The following GRIK1 variants were observed in gnomAD, a reference collection of about 807,000 sequenced individuals.
The protein encoded by GRIK1 is glutamate ionotropic receptor kainate type subunit 1, also known as glutamate receptor ionotropic, kainate 1.
Under a neutral mutation model 105.7 loss-of-function variants are expected in GRIK1, and 69 were observed. That is an observed-to-expected ratio of 0.65 (90% CI 0.54 to 0.80). GRIK1 has a LOEUF of 0.80. Ranked by LOEUF, GRIK1 falls within the 30% of genes least tolerant of loss-of-function variation. The pLI, the probability that GRIK1 is intolerant of heterozygous loss-of-function variation, is 0.00. For synonymous variants in GRIK1, 438 were observed against 431.3 expected (o/e 1.02, Z -0.19); for missense variants, 1,109 against 1,167.3 (o/e 0.95, Z 0.73).
At chr21:29,732,914 A>G (rs1211764400) in intron 1 of GRIK1, among the ~76,000 whole-genome samples, 1 of 152,214 alleles carries the variant, frequency 6.6e-6, no homozygotes, top group African/African-American at 2.4e-5. Context: ...CATGATGAAC[A>G]AGACAAATGT....
chr21:29,695,478 A>ATC lies in GRIK1; in HGVS notation c.119-1416_119-1415insGA, dbSNP rs377424740. On this transcript the variant is annotated intron_variant, in intron 1 of 17. Coordinates refer to ENST00000327783, the MANE Select transcript of GRIK1 (RefSeq NM_001330994.2). ...TATCTATCTATCTATCTATCTATCTATATATATATATTTTGAGATGGAGTC... is the reference window on the plus strand; with the variant it reads ...TATCTATCTATCTATCTATCTATCTATCTATATATATATTTTGAGATGGAGTC... Among the ~76,000 whole-genome samples the ATC allele has an allele frequency of 2.6e-3, 379 of 146,780 alleles. 3 individuals carry two copies. The highest frequency in any genetic ancestry group is 9.3e-3 in the African/African-American group (346 of 37,138).
At chr21:29,876,473 A>G (rs1444145949) in intron 1 of GRIK1, among the ~76,000 whole-genome samples, 1 of 151,928 alleles carries the variant, frequency 6.6e-6, no homozygotes, top group Admixed American at 6.6e-5. Flanking sequence ...ACCAGAATCT[A>G]CCCCCTACTG....
intron 1 of GRIK1, among the ~76,000 whole-genome samples, chr21:29,818,896 G>A (rs140194476): frequency 6.6e-6 from 1 of 151,960 alleles, no homozygotes; most frequent in African/African-American, 2.4e-5. Context: ...GTGGAATATG[G>A]CCAGGAGCAT....
At chr21:29,586,637 A>G (rs2091136171) in intron 12 of GRIK1, among the ~76,000 whole-genome samples, 1 of 152,236 alleles carries the variant, frequency 6.6e-6, no homozygotes. Context: ...TAACTGTTTC[A>G]AATTTAGCAT....
In GRIK1 at chr21:29,939,369, T is replaced by TG. The variant is rs982808910; in HGVS notation, c.118+13dup. 5 of 1,412,040 alleles carry TG rather than the reference T, an allele frequency of 3.5e-6. No individual in the cohort carries two copies. The Admixed American group carries it at 7.9e-5, about 22-fold the overall frequency. The allele number at this position is 1,412,040 out of a possible 1,614,324, so 87.5% of individuals were successfully genotyped here. On this transcript the variant is annotated intron_variant, in intron 1 of 17. Coordinates refer to ENST00000327783, the MANE Select transcript of GRIK1 (RefSeq NM_001330994.2). The stretch of plus-strand genomic sequence containing the variant: ...GACCACGTCTCCCGAGCAGGCAGCC[T>TG]GGGGCTCACTCACCGATCCTGAGTA...
chr21:29,900,958 C>G (rs1269094762), intron 1 of GRIK1, among the ~76,000 whole-genome samples: 1 of 152,166 alleles, frequency 6.6e-6, no homozygotes, highest in Non-Finnish European at 1.5e-5. Context: ...ACAGTGCAAT[C>G]AAATTAGAAC....
intron 1 of GRIK1, among the ~76,000 whole-genome samples, chr21:29,839,285 AG>A (rs2067906870): frequency 6.6e-6 from 1 of 152,084 alleles, no homozygotes; most frequent in Non-Finnish European, 1.5e-5. Context: ...CCTGACCTCA[AG>A]TGATCCACCC....
intron 1 of GRIK1, among the ~76,000 whole-genome samples, chr21:29,759,658 C>T (rs2065457690): frequency 6.6e-6 from 1 of 152,108 alleles, no homozygotes; most frequent in Non-Finnish European, 1.5e-5. Context: ...GAAACCAGAA[C>T]AAAGGAAGAC....
chr21:29,792,707 C>T (rs1054086626), intron 1 of GRIK1, among the ~76,000 whole-genome samples: 5 of 152,132 alleles, frequency 3.3e-5, no homozygotes, highest in East Asian at 1.9e-4. Context: ...CATGGAGTTC[C>T]GAAGGCATGG....
At chr21:29,780,217 A>G (rs2066056733) in intron 1 of GRIK1, among the ~76,000 whole-genome samples, 1 of 152,138 alleles carries the variant, frequency 6.6e-6, no homozygotes, top group African/African-American at 2.4e-5. Flanking sequence ...AATTTCCTGA[A>G]AGGTACTTAT....
chr21:29,712,756 A>T (rs916789967), intron 1 of GRIK1, among the ~76,000 whole-genome samples: 1 of 152,218 alleles, frequency 6.6e-6, no homozygotes, highest in African/African-American at 2.4e-5. Flanking sequence ...TAAGGAAAGA[A>T]ACTATCTTCC....
At chr21:29,599,744 C>G (rs896116773) in intron 7 of GRIK1, among the ~76,000 whole-genome samples, 5 of 152,054 alleles carry the variant, frequency 3.3e-5, no homozygotes, top group African/African-American at 1.2e-4. Context: ...GAGCCGAGAT[C>G]CTTCCACTGC....
At chr21:29,809,957 C>T (rs544342100) in intron 1 of GRIK1, among the ~76,000 whole-genome samples, 3 of 152,238 alleles carry the variant, frequency 2.0e-5, no homozygotes, top group South Asian at 4.1e-4. Flanking sequence ...ATTAAGTTAG[C>T]TGTCTCATAT....
intron 5 of GRIK1, among the ~76,000 whole-genome samples, 179 bp downstream of exon 5, chr21:29,654,627 AAGAG>A (rs199519659): frequency 8.6e-6 from 1 of 116,406 alleles, no homozygotes; most frequent in African/African-American, 5.6e-5. Flanking sequence ...GAAAGAAAGA[AAGAG>A]AAAGAAAGAA....
chr21:29,779,464 T>C (rs1213282999), intron 1 of GRIK1, among the ~76,000 whole-genome samples: 2 of 148,642 alleles, frequency 1.3e-5, no homozygotes, highest in Admixed American at 1.4e-4. Flanking sequence ...GACAATATAA[T>C]AGAACAATAG....
At position 29,694,891 on chromosome 21, in the gene GRIK1, C is replaced by A. The variant is rs567548734; in HGVS notation, c.119-828G>T. Among the ~76,000 whole-genome samples the A allele has an allele frequency of 9.2e-5, 14 of 152,256 alleles. No individual in the cohort carries two copies. The East Asian group carries it at 2.7e-3, about 29-fold the overall frequency. ...AAATGTCCTTTTTTGTGCTTCATGGCTCAGAATTCTGAGATCATATTCTAG... is the reference window on the plus strand; with the variant it reads ...AAATGTCCTTTTTTGTGCTTCATGGATCAGAATTCTGAGATCATATTCTAG... On this transcript the variant is annotated intron_variant, in intron 1 of 17. Coordinates refer to ENST00000327783, the MANE Select transcript of GRIK1 (RefSeq NM_001330994.2).
intron 1 of GRIK1, among the ~76,000 whole-genome samples, chr21:29,864,134 G>A (rs1340174233): frequency 6.6e-6 from 1 of 151,860 alleles, no homozygotes; most frequent in Non-Finnish European, 1.5e-5. Context: ...TGCCTTGGAG[G>A]TATATTGTGA....
At position 29,731,431 on chromosome 21, in the gene GRIK1, A is replaced by G. The variant is rs962505625; in HGVS notation, c.119-37368T>C. Among the ~76,000 whole-genome samples, 8 of 152,150 alleles carry G rather than the reference A, an allele frequency of 5.3e-5. No individual in the cohort carries two copies. The East Asian group carries it at 1.5e-3, about 29-fold the overall frequency. On this transcript the variant is annotated intron_variant, in intron 1 of 17. Transcript: ENST00000327783. ...ATTGCTTTGATTATGCTTTGTCTTC[A>G]GGATCATACTGGTGAAGCCATGTTT...
Position 29,673,081 on chromosome 21 carries a change from T to C in GRIK1, c.628A>G (p.Lys210Glu). 1 of 1,612,218 alleles carries C rather than the reference T, an allele frequency of 6.2e-7. No individual in the cohort carries two copies. Among genetic ancestry groups the C allele is most frequent in the Non-Finnish European group, 8.5e-7 (1 of 1,178,290 alleles). The change falls in exon 4 of 18, where the codon AAA becomes GAA. Residue 210 changes from lysine to glutamate, a missense_variant. Lys to Glu is a moderately conservative substitution (Grantham distance 56, BLOSUM62 1). This residue lies in a region of GRIK1 where 612 missense variants were observed against 586.0 expected (regional missense o/e 1.04). Transcript: ENST00000327783. The stretch of plus-strand genomic sequence containing the variant: ...TCCTTGAGTAAAGGCTTGGCATCTT[T>C]ATTCCCAGAGGGCAGCTGGCGGATT... ...IKIRQLPSGN[K>E]DAKPLLKEMK...
Sources: allele counts gnomAD v4.1 joint callset (sites outside exome capture counted in the v4.1 genomes callset), GRCh38; gene constraint gnomAD v4.1.1; regional missense constraint gnomAD v4.1.1; transcripts MANE v1.5; gene names NCBI Gene and HGNC (gene_info 2026-07-23, HGNC 2026-07-21).